Variants in ATXN7L1 observed in about 807,000 individuals in gnomAD.
The protein encoded by ATXN7L1 is ataxin-7-like protein 1.
ATXN7L1 carries 15 observed loss-of-function variants against 70.8 expected under a neutral mutation model. The observed-to-expected ratio is 0.21, with a 90% CI of 0.14 to 0.33. The LOEUF is 0.33. Ranked by LOEUF, ATXN7L1 falls within the 10% of genes least tolerant of loss-of-function variation. ATXN7L1 has a pLI of 1.00. For missense variants in ATXN7L1, 975 were observed against 1,097.1 expected (o/e 0.89, Z 1.57); for synonymous variants, 440 against 445.1 (o/e 0.99, Z 0.14).
At chr7:105,661,025 G>C (rs752486204) in intron 4 of ATXN7L1, among the ~76,000 whole-genome samples, 1 of 152,150 alleles carries the variant, frequency 6.6e-6, no homozygotes, top group African/African-American at 2.4e-5. Flanking sequence ...GACAATGTCT[G>C]TGTCTTAACT....
chr7:105,806,864 A>G (rs1450210444), intron 2 of ATXN7L1, among the ~76,000 whole-genome samples: 1 of 152,210 alleles, frequency 6.6e-6, no homozygotes, highest in Middle Eastern at 3.2e-3. Flanking sequence ...CTCTGGGGAA[A>G]AAATAGGGTG....
At chr7:105,650,378 G>T (rs1489531737) in intron 4 of ATXN7L1, among the ~76,000 whole-genome samples, 2 of 152,196 alleles carry the variant, frequency 1.3e-5, no homozygotes, top group Non-Finnish European at 2.9e-5. Context: ...CAACCACAGA[G>T]CATGGTAAAT....
intron 9 of ATXN7L1, among the ~76,000 whole-genome samples, chr7:105,616,513 G>T (rs1319958099): frequency 7.2e-5 from 11 of 152,182 alleles, no homozygotes; most frequent in Non-Finnish European, 1.6e-4. Context: ...ATGGCATTGA[G>T]AATTTACATT....
At chr7:105,795,326 T>A (rs1179234188) in intron 2 of ATXN7L1, among the ~76,000 whole-genome samples, 2 of 152,278 alleles carry the variant, frequency 1.3e-5, no homozygotes, top group Non-Finnish European at 2.9e-5. Context: ...AGAACACTTT[T>A]GACAAGCAAA....
At chr7:105,692,370 T>TTTCCTTCCTTCCTTCCTTCC (rs60485799) in intron 3 of ATXN7L1, among the ~76,000 whole-genome samples, 8 of 94,606 alleles carry the variant, frequency 8.5e-5, no homozygotes, top group African/African-American at 1.7e-4. Context: ...AATTTCTTTC[T>TTTCCTTCCTTCCTTCCTTCC]TTCCTTCCTT....
intron 2 of ATXN7L1, among the ~76,000 whole-genome samples, chr7:105,853,319 C>T (rs1276456723): frequency 6.6e-6 from 1 of 152,218 alleles, no homozygotes; most frequent in East Asian, 1.9e-4. Flanking sequence ...GAGGCCGAGG[C>T]GTGTAGATCA....
chr7:105,764,062 C>T (rs1183080255), intron 3 of ATXN7L1, among the ~76,000 whole-genome samples: 3 of 151,912 alleles, frequency 2.0e-5, no homozygotes, highest in Non-Finnish European at 2.9e-5. Context: ...CCATGTTGGC[C>T]AGGCTGGTCT....
chr7:105,772,767 A>G (rs2116443695), intron 3 of ATXN7L1, among the ~76,000 whole-genome samples: 1 of 152,328 alleles, frequency 6.6e-6, no homozygotes, highest in Non-Finnish European at 1.5e-5. Flanking sequence ...ATTTAAACAA[A>G]ATAAACAATA....
chr7:105,797,113 G>A (rs1009330426), intron 2 of ATXN7L1, among the ~76,000 whole-genome samples: 4 of 152,244 alleles, frequency 2.6e-5, no homozygotes, highest in Non-Finnish European at 5.9e-5. Flanking sequence ...ATCAAGGGGA[G>A]TGAGCGTGCG....
chr7:105,874,929 C>A (rs966962604), intron 2 of ATXN7L1, among the ~76,000 whole-genome samples: 6 of 152,166 alleles, frequency 3.9e-5, no homozygotes, highest in African/African-American at 1.2e-4. Context: ...TCTTCTGTCC[C>A]CTTGTGCCAT....
intron 2 of ATXN7L1, among the ~76,000 whole-genome samples, chr7:105,866,991 G>A (rs924202762): frequency 3.9e-5 from 6 of 152,172 alleles, no homozygotes; most frequent in Admixed American, 6.5e-5. Flanking sequence ...TAAACGAAAC[G>A]TTAACCTGAA....
intron 2 of ATXN7L1, among the ~76,000 whole-genome samples, chr7:105,817,221 A>G (rs1263164268): frequency 6.6e-6 from 1 of 152,204 alleles, no homozygotes; most frequent in Non-Finnish European, 1.5e-5. Flanking sequence ...CCCTCTACCT[A>G]TTGTTGATAC....
intron 2 of ATXN7L1, among the ~76,000 whole-genome samples, chr7:105,855,670 T>G (rs1252300728): frequency 6.6e-6 from 1 of 152,210 alleles, no homozygotes; most frequent in Non-Finnish European, 1.5e-5. Flanking sequence ...ACCCTCTGAA[T>G]CTGTGAGTTC....
chr7:105,762,853 C>T (rs1345040863), intron 3 of ATXN7L1, among the ~76,000 whole-genome samples: 1 of 152,230 alleles, frequency 6.6e-6, no homozygotes, highest in African/African-American at 2.4e-5. Context: ...CCCTCCCTCT[C>T]TTGGGTTGTT....
chr7:105,830,135 G>A (rs1167760491), intron 2 of ATXN7L1, among the ~76,000 whole-genome samples: 4 of 152,208 alleles, frequency 2.6e-5, no homozygotes, highest in Non-Finnish European at 5.9e-5. Context: ...ACTAGGTCAC[G>A]ACAAGTATAG....
At chr7:105,742,145 T>C (rs531745777) in intron 3 of ATXN7L1, among the ~76,000 whole-genome samples, 1 of 152,348 alleles carries the variant, frequency 6.6e-6, no homozygotes, top group South Asian at 2.1e-4. Context: ...CCCAACTGTC[T>C]CCTTTCAAGA....
intron 4 of ATXN7L1, among the ~76,000 whole-genome samples, chr7:105,646,033 C>T (rs1291886041): frequency 6.6e-6 from 1 of 151,486 alleles, no homozygotes; most frequent in Admixed American, 6.6e-5. Context: ...TGTCAGTGGC[C>T]AGTTGTGGTG....
intron 3 of ATXN7L1, among the ~76,000 whole-genome samples, chr7:105,755,802 T>C (rs1408867517): frequency 6.6e-6 from 1 of 152,196 alleles, no homozygotes; most frequent in East Asian, 1.9e-4. Context: ...AAGCTTTGTA[T>C]TGTAAAATAA....
chr7:105,722,684 A>G (rs919327839), intron 3 of ATXN7L1, among the ~76,000 whole-genome samples: 1 of 148,876 alleles, frequency 6.7e-6, no homozygotes, highest in Non-Finnish European at 1.5e-5. Context: ...TTCGAGACCA[A>G]TCTGGCCAAC....
Sources: allele counts gnomAD v4.1 joint callset (sites outside exome capture counted in the v4.1 genomes callset), GRCh38; gene constraint gnomAD v4.1.1; transcripts MANE v1.5; gene names NCBI Gene and HGNC (gene_info 2026-07-23, HGNC 2026-07-21).